Variants in FNDC3B observed in about 807,000 individuals in gnomAD.
FNDC3B encodes fibronectin type III domain containing 3B.
FNDC3B carries 12 observed loss-of-function variants against 151.5 expected under a neutral mutation model. The observed-to-expected ratio is 0.08, with a 90% CI of 0.05 to 0.13. The LOEUF (loss-of-function observed/expected upper bound fraction) is 0.13. Among genes scored for constraint, FNDC3B ranks in the 10% least tolerant of loss-of-function variants. The probability of loss-of-function intolerance (pLI) is 1.00; values close to 1 mark genes in which losing one functional copy is unlikely to be tolerated. For synonymous variants in FNDC3B, 528 were observed against 549.0 expected, an observed-to-expected ratio of 0.96 and a Z score of 0.54; for missense variants, 1,214 against 1,505.3, an observed-to-expected ratio of 0.81 and a Z score of 3.20.
intron 3 of FNDC3B, among the ~76,000 whole-genome samples, chr3:172,222,349 A>G (rs1409958894): frequency 3.9e-5 from 6 of 152,202 alleles, no homozygotes; most frequent in Non-Finnish European, 7.3e-5. Context: ...TTAAATGATG[A>G]TTTGTACCCT....
At chr3:172,281,850 G>T (rs1228357815) in intron 6 of FNDC3B, among the ~76,000 whole-genome samples, 1 of 152,008 alleles carries the variant, frequency 6.6e-6, no homozygotes, top group African/African-American at 2.4e-5. Flanking sequence ...TTTTGTGAGG[G>T]GATCAGTTAT....
In FNDC3B at chr3:172,040,653, G is replaced by C. The variant is rs1389436984; in HGVS notation, c.-29+882G>C. The C allele has an allele frequency of 1.3e-5, 2 of 151,524 alleles. No homozygotes were observed. Among genetic ancestry groups the C allele is most frequent in the African/African-American group, 2.4e-5 (1 of 41,280 alleles). The allele number at this position is 151,524 out of a possible 1,614,324, so 9.4% of individuals were successfully genotyped here. On this transcript the variant is annotated intron_variant, in intron 1 of 25. Transcript: ENST00000415807. The surrounding 1 kb of genome is among the most constrained non-coding windows in gnomAD (Gnocchi z 6.6). The stretch of plus-strand genomic sequence containing the variant: ...AGTCGGTCACCCCGAGGGGCGCCTC[G>C]GCCGGGGATAGGGCGGGCGGGCGGA...
chr3:172,260,112 G>T (rs1372064096), intron 6 of FNDC3B, among the ~76,000 whole-genome samples: 2 of 152,234 alleles, frequency 1.3e-5, no homozygotes, highest in African/African-American at 2.4e-5. Context: ...CAGAACCCAT[G>T]TTGGTAAAAT....
chr3:172,394,886 T>C (rs996580159), intron 25 of FNDC3B, among the ~76,000 whole-genome samples: 2 of 152,168 alleles, frequency 1.3e-5, no homozygotes, highest in African/African-American at 4.8e-5. Context: ...TAAAGGATCA[T>C]CCACCATGAT....
At chr3:172,169,245 C>T (rs1407799621) in intron 3 of FNDC3B, among the ~76,000 whole-genome samples, 1 of 152,146 alleles carries the variant, frequency 6.6e-6, no homozygotes, top group Non-Finnish European at 1.5e-5. Context: ...CTCAGTGCCA[C>T]CAGGGGCATA....
chr3:172,205,010 G>T (rs1253637249), intron 3 of FNDC3B, among the ~76,000 whole-genome samples: 1 of 152,226 alleles, frequency 6.6e-6, no homozygotes, highest in African/African-American at 2.4e-5. Context: ...GGGAAGGACA[G>T]AATGCTTTTG....
intron 4 of FNDC3B, 33 bp downstream of exon 4, chr3:172,226,980 T>A (rs375758000): frequency 4.4e-6 from 6 of 1,369,290 alleles, no homozygotes; most frequent in Non-Finnish European, 6.3e-6. Context: ...CTACTCACTA[T>A]GGACACTGTC....
intron 6 of FNDC3B, among the ~76,000 whole-genome samples, chr3:172,274,879 C>G (rs1389790502): frequency 2.6e-5 from 4 of 152,204 alleles, no homozygotes; most frequent in African/African-American, 9.6e-5. Context: ...AGGGCCCACC[C>G]TGATGAGCTC....
At chr3:172,354,502 A>T (rs473140) in intron 22 of FNDC3B, among the ~76,000 whole-genome samples, 138,275 of 150,936 alleles carry the variant, frequency 0.92, 63,797 homozygotes, top group East Asian at 1. Flanking sequence ...CAATAAAAAA[A>T]AATAATAATA....
intron 3 of FNDC3B, chr3:172,186,944 A>G (rs1235484328): frequency 1.9e-6 from 1 of 532,454 alleles, no homozygotes; most frequent in Non-Finnish European, 3.3e-6. Flanking sequence ...TTTATTTTCT[A>G]TACTAGCTAA....
chr3:172,377,987 G>A (rs1002122925), intron 23 of FNDC3B, among the ~76,000 whole-genome samples: 5 of 152,020 alleles, frequency 3.3e-5, no homozygotes, highest in Non-Finnish European at 5.9e-5. Flanking sequence ...TTTTTTATTA[G>A]TAAATAAAAA....
intron 1 of FNDC3B, among the ~76,000 whole-genome samples, chr3:172,109,258 C>T (rs1048605659): frequency 7.3e-5 from 11 of 150,852 alleles, no homozygotes; most frequent in Non-Finnish European, 1.2e-4. Flanking sequence ...CTCCGCCTCC[C>T]GGGTTCACGC....
At chr3:172,346,743 A>C (rs1733634569) in intron 20 of FNDC3B, among the ~76,000 whole-genome samples, 1 of 151,794 alleles carries the variant, frequency 6.6e-6, no homozygotes, top group African/African-American at 2.4e-5. Flanking sequence ...CAATCTTGTC[A>C]CCCAGGCTGG....
At chr3:172,290,255 A>G (rs1730257448) in intron 7 of FNDC3B, among the ~76,000 whole-genome samples, 2 of 152,272 alleles carry the variant, frequency 1.3e-5, no homozygotes, top group South Asian at 4.1e-4. Context: ...GGCACCCTGA[A>G]TTGAGCAAGT....
At chr3:172,280,395 G>A (rs1729647060) in intron 6 of FNDC3B, among the ~76,000 whole-genome samples, 1 of 152,122 alleles carries the variant, frequency 6.6e-6, no homozygotes, top group Non-Finnish European at 1.5e-5. Flanking sequence ...ATTGTTTACT[G>A]TTGGCTTTAG....
rs144234146 is a variant in FNDC3B, at chr3:172,382,650, G to T, written c.3303+1557G>T. Among the ~76,000 whole-genome samples the T allele has an allele frequency of 5.4e-3, 825 of 152,078 alleles. 8 individuals carry two copies. The highest frequency in any genetic ancestry group is 0.019 in the African/African-American group (784 of 41,502). On this transcript the variant is annotated intron_variant, in intron 25 of 25. Coordinates refer to ENST00000415807, the MANE Select transcript of FNDC3B (RefSeq NM_022763.4). ...ATCTTGAGTTAATTTTTGTATAAGG[G>T]GTAAGGAAGGGGTCCACTTTCAGTT...
chr3:172,075,535 C>T (rs1717964755), intron 1 of FNDC3B, among the ~76,000 whole-genome samples: 1 of 151,930 alleles, frequency 6.6e-6, no homozygotes, highest in South Asian at 2.1e-4. Flanking sequence ...GCTGAAGGCT[C>T]CTTGGCAGTG....
At chr3:172,346,486 C>A in intron 20 of FNDC3B, 46 bp downstream of exon 20, 2 of 1,141,184 alleles carry the variant, frequency 1.8e-6, no homozygotes, top group Non-Finnish European at 2.6e-6. Flanking sequence ...TTCTACTTTA[C>A]TCCCAAATAC....
chr3:172,364,535 C>G (rs1199343502), intron 23 of FNDC3B, among the ~76,000 whole-genome samples: 1 of 152,216 alleles, frequency 6.6e-6, no homozygotes, highest in African/African-American at 2.4e-5. Context: ...AGGGCACCCC[C>G]TCTTGCTGCA....
Sources: allele counts gnomAD v4.1 joint callset (sites outside exome capture counted in the v4.1 genomes callset), GRCh38; gene constraint gnomAD v4.1.1; non-coding constraint Gnocchi (gnomAD v3.1); transcripts MANE v1.5; gene names NCBI Gene and HGNC (gene_info 2026-07-23, HGNC 2026-07-21).